The following NOTCH2 variants were observed in gnomAD, a reference collection of about 807,000 sequenced individuals.
NOTCH2 encodes notch receptor 2, also known as neurogenic locus notch homolog protein 2.
A neutral mutation model predicts 235.8 loss-of-function variants in NOTCH2; 29 were observed. The observed-to-expected ratio is 0.12, with a 90% CI of 0.09 to 0.17. NOTCH2 has a LOEUF of 0.17. NOTCH2 is among the 10% of genes least tolerant of loss of function. The pLI is 1.00. For synonymous variants in NOTCH2, 1,086 were observed against 1,141.5 expected (o/e 0.95, Z 0.98); for missense variants, 2,285 against 3,150.2 (o/e 0.73, Z 6.57).
At chr1:120,064,555 T>C (rs587601922) in intron 1 of NOTCH2, among the ~76,000 whole-genome samples, 1 of 152,286 alleles carries the variant, frequency 6.6e-6, no homozygotes, top group East Asian at 1.9e-4. Flanking sequence ...TGCTGCTCAG[T>C]TGACTCTGAA....
rs1185967700 is a variant in NOTCH2 at position 119,914,252 on chromosome 1, A to G, written c.*1054T>C. On this transcript the variant is annotated 3_prime_UTR_variant, in exon 34 of 34. Transcript: ENST00000256646. ...CTCAGATCTGGGACAAATGTGTTCC[A>G]TACAGGCAGTCAATGGAATGCTTGG... is the stretch of plus-strand genomic sequence containing the variant. 2 of 233,162 alleles carry G rather than the reference A, an allele frequency of 8.6e-6. No homozygotes were observed. Among genetic ancestry groups the G allele is most frequent in the African/African-American group, 4.4e-5 (2 of 45,342 alleles). The allele number at this position is 233,162 out of a possible 1,614,324, so 14.4% of individuals were successfully genotyped here.
chr1:119,954,888 G>A (rs1650626090), intron 13 of NOTCH2, 152 bp downstream of exon 13: 2 of 745,048 alleles, frequency 2.7e-6, no homozygotes, highest in Admixed American at 4.1e-5. Flanking sequence ...TGGATTAAAT[G>A]GTAATTCAGA....
At chr1:119,965,307 A>C (rs1651093734) in intron 10 of NOTCH2, 146 bp downstream of exon 10, 4 of 772,892 alleles carry the variant, frequency 5.2e-6, no homozygotes, top group Admixed American at 3.5e-5. Context: ...AGCAGCAAAA[A>C]ATTTGTTAGA....
chr1:119,960,150 C>T (rs1553198851), intron 11 of NOTCH2, among the ~76,000 whole-genome samples: 2 of 152,076 alleles, frequency 1.3e-5, no homozygotes, highest in Non-Finnish European at 2.9e-5. Context: ...GAGTATTTAG[C>T]AAATATTAAG....
chr1:119,921,996 G>A (rs764980483), intron 28 of NOTCH2, among the ~76,000 whole-genome samples, 187 bp from the exon 29 acceptor site: 6 of 152,118 alleles, frequency 3.9e-5, no homozygotes, highest in East Asian at 1.9e-4. Context: ...CCCATTGATC[G>A]TGAGCTTACA....
chr1:120,014,957 T>G (rs1653372614), intron 2 of NOTCH2, among the ~76,000 whole-genome samples: 1 of 140,650 alleles, frequency 7.1e-6, no homozygotes, highest in African/African-American at 2.6e-5. Context: ...GAGGCCAAAT[T>G]GCATCCAGGG....
At chr1:119,979,060 G>T (rs781977490) in intron 5 of NOTCH2, among the ~76,000 whole-genome samples, 1 of 152,164 alleles carries the variant, frequency 6.6e-6, no homozygotes, top group Non-Finnish European at 1.5e-5. Flanking sequence ...ACATGTTTAC[G>T]TTCTACAAAG....
At chr1:119,985,299 A>G (rs1403201380) in intron 5 of NOTCH2, among the ~76,000 whole-genome samples, 1 of 152,158 alleles carries the variant, frequency 6.6e-6, no homozygotes, top group African/African-American at 2.4e-5. Context: ...AATCAAAAGA[A>G]ATAAAACTGC....
chr1:119,972,165 G>T (rs587601332), intron 5 of NOTCH2, among the ~76,000 whole-genome samples: 1 of 152,156 alleles, frequency 6.6e-6, no homozygotes, highest in East Asian at 1.9e-4. Context: ...CAGTGAGTGA[G>T]TGAAGGAATC....
chr1:119,938,140 A>T, intron 19 of NOTCH2, 130 bp from the exon 20 acceptor site: 2 of 982,282 alleles, frequency 2.0e-6, no homozygotes, highest in Non-Finnish European at 3.1e-6. Context: ...TTCATCTAGT[A>T]AAAGAGCCCT....
chr1:119,969,374 T>A (rs1651274783), intron 6 of NOTCH2, 137 bp downstream of exon 6: 1 of 779,746 alleles, frequency 1.3e-6, no homozygotes. Flanking sequence ...GCAGGTTACA[T>A]TTCTGGAACA....
At chr1:120,068,780 G>C (rs1553217553) in intron 1 of NOTCH2, 1 of 360,574 alleles carries the variant, frequency 2.8e-6, no homozygotes, top group East Asian at 5.3e-5. Flanking sequence ...TGGGGTTGGA[G>C]TGTCAAAACT....
At position 119,967,366 on chromosome 1, in the gene NOTCH2, G is replaced by C. The variant is rs144716627; in HGVS notation, c.1453+67C>G. 7.8e-3 allele frequency: 10,498 copies of C among 1,353,370 alleles called. 104 individuals are homozygous for C. Among genetic ancestry groups the C allele is most frequent in the South Asian group, 0.024 (2,082 of 85,870 alleles). 83.8% of individuals were successfully genotyped at this position (1,353,370 alleles called of 1,614,324 possible). On this transcript the variant is annotated intron_variant, in intron 8 of 33. Transcript: ENST00000256646. ...ATCAGACTGCAATAGTATACTGAAT[G>C]CTCTACCAAGAGAAGTTCAGAACAG...
chr1:119,997,144 G>C lies in NOTCH2; in HGVS notation c.604C>G (p.Pro202Ala), dbSNP rs781880466. Residue 202 changes from proline to alanine, a missense_variant, in exon 4 of 34, where the codon CCT (proline) becomes GCT (alanine). Coordinates refer to ENST00000256646, the MANE Select transcript of NOTCH2 (RefSeq NM_024408.4). ...CQHGGTCLNL[P>A]GSYQCQCPQG... ...GGGCACTGGCACTGGTAGGAACCAG[G>C]CAGGTTGAGGCAGGTGCCACCATGC... The C allele has an allele frequency of 6.2e-7, 1 of 1,614,022 alleles. No homozygotes were observed. The highest frequency in any genetic ancestry group is 8.5e-7 in the Non-Finnish European group (1 of 1,179,872).
Position 119,999,917 on chromosome 1 carries a change from G to GAGAAAGAA in NOTCH2, c.416-2593_416-2586dup, listed in dbSNP as rs71260137. 5.6e-3 allele frequency among the ~76,000 whole-genome samples: 514 copies of GAGAAAGAA among 91,140 alleles called. 13 individuals are homozygous for GAGAAAGAA. Among genetic ancestry groups the GAGAAAGAA allele is most frequent in the Non-Finnish European group, 7.8e-3 (324 of 41,364 alleles). 59.8% of individuals were successfully genotyped at this position (91,140 alleles called of 152,430 possible). A position where few individuals can be genotyped will look rare whatever the true frequency, so the allele number is the denominator to read the frequency against. ...AAAGAGAGAGAAAGAGAGAAAGAGA[G>GAGAAAGAA]AGAAAGAAAGAAAGAAAGAAAGAAA... On this transcript the variant is annotated intron_variant, in intron 3 of 33. Coordinates refer to ENST00000256646, the MANE Select transcript of NOTCH2 (RefSeq NM_024408.4).
At chr1:119,953,406 C>A in intron 14 of NOTCH2, 137 bp downstream of exon 14, 1 of 916,062 alleles carries the variant, frequency 1.1e-6, no homozygotes, top group Non-Finnish European at 1.8e-6. Context: ...CCCCAAGTGC[C>A]TTACAAGTCT....
At chr1:119,931,300 G>A (rs1649650619) in intron 22 of NOTCH2, among the ~76,000 whole-genome samples, 1 of 151,802 alleles carries the variant, frequency 6.6e-6, no homozygotes. Flanking sequence ...ACACCTAAAT[G>A]AAGACAACTT....
chr1:119,960,963 T>C (rs1650915495), intron 11 of NOTCH2, among the ~76,000 whole-genome samples: 1 of 152,174 alleles, frequency 6.6e-6, no homozygotes, highest in Admixed American at 6.5e-5. Context: ...ACTGTGCCCA[T>C]ACTCTGCAAT....
At chr1:119,931,617 T>G (rs1649663564) in intron 22 of NOTCH2, among the ~76,000 whole-genome samples, 1 of 152,028 alleles carries the variant, frequency 6.6e-6, no homozygotes, top group Non-Finnish European at 1.5e-5. Flanking sequence ...ACACCAAAAA[T>G]ACACATGGGA....
Sources: gnomAD v4.1 joint callset for allele counts (sites outside exome capture counted in the v4.1 genomes callset) on GRCh38, gnomAD v4.1.1 for gene constraint, MANE v1.5 for transcripts, NCBI Gene and HGNC (gene_info 2026-07-23, HGNC 2026-07-21) for gene names.